Variants in ADGB observed in about 807,000 individuals in gnomAD.
The protein encoded by ADGB is calpain-7-like protein.
A neutral mutation model predicts 210.5 loss-of-function variants in ADGB; 172 were observed. That is an observed-to-expected ratio of 0.82 (90% CI 0.72 to 0.93). The LOEUF is 0.93. Among genes scored for constraint, ADGB ranks in the 40% least tolerant of loss-of-function variants. ADGB has a pLI of 0.00. For missense variants in ADGB, 2,025 were observed against 1,964.8 expected (o/e 1.03, Z -0.58); for synonymous variants, 658 against 662.7 (o/e 0.99, Z 0.11).
At chr6:146,754,634 C>T (rs1170532721) in intron 27 of ADGB, among the ~76,000 whole-genome samples, 1 of 151,782 alleles carries the variant, frequency 6.6e-6, no homozygotes, top group Non-Finnish European at 1.5e-5. Flanking sequence ...TTTTCTTTAA[C>T]CTTAGCATTT....
Position 146,599,034 on chromosome 6 carries a change from T to G in ADGB, c.-7T>G. 1 of 1,551,436 alleles carries G rather than the reference T, an allele frequency of 6.4e-7. No homozygotes were observed. Among genetic ancestry groups the G allele is most frequent in the Non-Finnish European group, 8.7e-7 (1 of 1,146,730 alleles). ...AGAGCTCAGCCCTACATAGATCGGC[T>G]TCTGCCATGGCCTCCAAACAAACCA... On this transcript the variant is annotated 5_prime_UTR_variant, in exon 1 of 36. Coordinates refer to ENST00000397944, the MANE Select transcript of ADGB (RefSeq NM_024694.4).
intron 16 of ADGB, among the ~76,000 whole-genome samples, chr6:146,718,959 A>G (rs186743457): frequency 5.3e-5 from 8 of 152,342 alleles, no homozygotes; most frequent in African/African-American, 1.9e-4. Flanking sequence ...TTAATTGGGA[A>G]TAGTTTAACC....
chr6:146,623,920 C>T (rs185895107), intron 1 of ADGB, among the ~76,000 whole-genome samples: 126 of 151,964 alleles, frequency 8.3e-4, no homozygotes, highest in Non-Finnish European at 1.6e-3. Context: ...GGGATAAACT[C>T]TAATTGATCA....
At chr6:146,791,036 G>A (rs1334596145) in intron 33 of ADGB, among the ~76,000 whole-genome samples, 2 of 152,014 alleles carry the variant, frequency 1.3e-5, no homozygotes, top group African/African-American at 4.8e-5. Flanking sequence ...TTTTAATGTA[G>A]TTATTTGCTT....
intron 33 of ADGB, among the ~76,000 whole-genome samples, chr6:146,791,858 A>C (rs766701681): frequency 5.3e-5 from 8 of 151,454 alleles, no homozygotes; most frequent in Non-Finnish European, 8.8e-5. Flanking sequence ...TCCTGGGCTC[A>C]AGCAGTTCTC....
At chr6:146,623,053 A>T (rs996805841) in intron 1 of ADGB, among the ~76,000 whole-genome samples, 2 of 151,716 alleles carry the variant, frequency 1.3e-5, no homozygotes, top group Non-Finnish European at 2.9e-5. Flanking sequence ...TGTTCCTTTG[A>T]TCTGTTTATG....
chr6:146,788,678 C>A, intron 33 of ADGB, 68 bp downstream of exon 33: 2 of 1,410,202 alleles, frequency 1.4e-6, no homozygotes, highest in Non-Finnish European at 1.9e-6. Context: ...AAGATTTTAA[C>A]TTAAACATCA....
chr6:146,623,555 T>C (rs573534500), intron 1 of ADGB, among the ~76,000 whole-genome samples: 2 of 152,048 alleles, frequency 1.3e-5, no homozygotes, highest in South Asian at 2.1e-4. Context: ...TCCTGAAACA[T>C]GGCTAAACTC....
chr6:146,673,381 C>T (rs1055963552), intron 8 of ADGB, among the ~76,000 whole-genome samples: 4 of 152,136 alleles, frequency 2.6e-5, no homozygotes, highest in African/African-American at 4.8e-5. Context: ...TGGAGCTGAA[C>T]TTAAAATGGG....
chr6:146,788,411 A>G lies in ADGB; in HGVS notation c.4338A>G (p.Val1446=). 1 of 1,551,630 alleles carries G rather than the reference A, an allele frequency of 6.4e-7. No individual in the cohort carries two copies. Among genetic ancestry groups the G allele is most frequent in the East Asian group, 2.4e-5 (1 of 40,908 alleles). Residue 1446 remains valine, a synonymous_variant, in exon 33 of 36, where the codon GTA becomes GTG. Coordinates refer to ENST00000397944, the MANE Select transcript of ADGB (RefSeq NM_024694.4). Reference sequence around the variant, plus strand: ...TAGTAGAAACAGCTGCACGTGGCGTAAAAGAACCAAACTCAAAGAATTCTG... The same window carrying G: ...TAGTAGAAACAGCTGCACGTGGCGTGAAAGAACCAAACTCAAAGAATTCTG... ...KEEVETAARG[V]KEPNSKNSAG...
intron 1 of ADGB, among the ~76,000 whole-genome samples, chr6:146,627,598 A>G (rs914608264): frequency 2.0e-5 from 3 of 152,116 alleles, no homozygotes; most frequent in Non-Finnish European, 4.4e-5. Context: ...GGGCACAGTA[A>G]TACTAGTTCT....
At chr6:146,809,314 C>A (rs1231228156) in intron 35 of ADGB, among the ~76,000 whole-genome samples, 5 of 152,220 alleles carry the variant, frequency 3.3e-5, no homozygotes, top group African/African-American at 9.6e-5. Flanking sequence ...TCAAGTGATT[C>A]TCTTGCCTCA....
intron 29 of ADGB, among the ~76,000 whole-genome samples, chr6:146,778,495 A>G (rs1777754334): frequency 6.6e-6 from 1 of 152,118 alleles, no homozygotes; most frequent in South Asian, 2.1e-4. Flanking sequence ...TTCTATAAAA[A>G]TCTTTGTTTT....
At position 146,691,205 on chromosome 6, in the gene ADGB, G is replaced by A; in HGVS notation, c.1401G>A (p.Leu467=). 1 of 1,548,870 alleles carries A rather than the reference G, an allele frequency of 6.5e-7. No homozygotes were observed. The highest frequency in any genetic ancestry group is 8.7e-7 in the Non-Finnish European group (1 of 1,146,234). Residue 467 remains leucine, a synonymous_variant, in exon 11 of 36, where the codon CTG becomes CTA. Transcript: ENST00000397944. ...VLVTRSRSCP[L]VAPPKPPPLP... is the part of the protein sequence containing the mutation. ...TGACTAGAAGTAGGTCTTGTCCTCTGGTAGCACCACCAAAACCACCTCCTC... is the reference window on the plus strand; with the variant it reads ...TGACTAGAAGTAGGTCTTGTCCTCTAGTAGCACCACCAAAACCACCTCCTC...
intron 35 of ADGB, among the ~76,000 whole-genome samples, chr6:146,808,218 G>A (rs552009610): frequency 2.0e-5 from 3 of 152,022 alleles, no homozygotes; most frequent in South Asian, 2.1e-4. Flanking sequence ...CAGGCTGGTC[G>A]CGAACTCCTA....
At chr6:146,708,039 G>A (rs979225899) in intron 13 of ADGB, among the ~76,000 whole-genome samples, 25 of 151,914 alleles carry the variant, frequency 1.6e-4, no homozygotes, top group Admixed American at 1.1e-3. Context: ...TGGCTGTAAC[G>A]GCATATTCTA....
At chr6:146,672,741 T>TTC (rs1776028465) in intron 8 of ADGB, among the ~76,000 whole-genome samples, 1 of 150,796 alleles carries the variant, frequency 6.6e-6, no homozygotes, top group African/African-American at 2.4e-5. Context: ...TTTTTTTTTT[T>TTC]CTTTTTGGGA....
chr6:146,648,546 G>T (rs1301678916), intron 3 of ADGB, among the ~76,000 whole-genome samples: 2 of 152,016 alleles, frequency 1.3e-5, no homozygotes, highest in Non-Finnish European at 2.9e-5. Context: ...CAGGAGAGAG[G>T]GAGAGTAAAG....
chr6:146,627,021 C>T (rs1420079106), intron 1 of ADGB, among the ~76,000 whole-genome samples: 1 of 151,886 alleles, frequency 6.6e-6, no homozygotes, highest in Non-Finnish European at 1.5e-5. Context: ...CATTAATACT[C>T]TTGTTGTGTG....
Sources: gnomAD v4.1 joint callset for allele counts (sites outside exome capture counted in the v4.1 genomes callset) on GRCh38, gnomAD v4.1.1 for gene constraint, MANE v1.5 for transcripts, NCBI Gene and HGNC (gene_info 2026-07-23, HGNC 2026-07-21) for gene names.